Variants in CHD6 observed in about 807,000 individuals in gnomAD.
CHD6 encodes the protein ATP-dependent chromatin remodeler CHD6.
In CHD6, 50 loss-of-function variants were observed where a neutral mutation model predicts 276.9. The ratio of observed to expected loss-of-function variants is 0.18; its 90% CI spans 0.14 to 0.23. The LOEUF (loss-of-function observed/expected upper bound fraction) is 0.23. Ranked by LOEUF, CHD6 falls within the 10% of genes least tolerant of loss-of-function variation. The pLI is 1.00. For synonymous variants in CHD6, 1,173 were observed against 1,229.3 expected (o/e 0.95, Z 0.96); for missense variants, 2,564 against 3,365.8 (o/e 0.76, Z 5.89).
rs200813975 is a variant in CHD6, at chr20:41,457,314, G to A, written c.2779C>T (p.Leu927=). Residue 927 remains leucine, a synonymous_variant, in exon 18 of 37, where the codon CTG becomes TTG. Coordinates refer to ENST00000373233, the MANE Select transcript of CHD6 (RefSeq NM_032221.5). Reference sequence around the variant, plus strand: ...ATGTCCTGAAGAACAGCCTTGTCCAGCCCCAGCTTTAGGCTGGCCTTGTCA... The same window carrying A: ...ATGTCCTGAAGAACAGCCTTGTCCAACCCCAGCTTTAGGCTGGCCTTGTCA... ...MFDKASLKLG[L]DKAVLQDINR... 3.1e-6 allele frequency: 5 copies of A among 1,614,094 alleles called. No individual in the cohort carries two copies. The African/African-American group carries it at 5.3e-5, about 17-fold the overall frequency.
intron 17 of CHD6, among the ~76,000 whole-genome samples, chr20:41,463,466 A>C (rs2042848681): frequency 6.6e-6 from 1 of 152,246 alleles, no homozygotes. Context: ...ATATCACTGT[A>C]CTAAGTGATC....
chr20:41,597,679 C>A (rs979770437), intron 1 of CHD6, among the ~76,000 whole-genome samples: 1 of 152,090 alleles, frequency 6.6e-6, no homozygotes, highest in South Asian at 2.1e-4. Context: ...CCAGGACCAA[C>A]CCCCATCAGA....
At chr20:41,472,231 G>C (rs2043070489) in intron 17 of CHD6, among the ~76,000 whole-genome samples, 1 of 137,224 alleles carries the variant, frequency 7.3e-6, no homozygotes, top group African/African-American at 3.0e-5. Context: ...AATGGAGTGA[G>C]ACTCTGTCTC....
chr20:41,527,283 A>G (rs1253082216), intron 3 of CHD6, among the ~76,000 whole-genome samples: 3 of 152,168 alleles, frequency 2.0e-5, no homozygotes, highest in Admixed American at 6.5e-5. Context: ...CTAAAAATAC[A>G]AAAAATAAAC....
intron 1 of CHD6, among the ~76,000 whole-genome samples, chr20:41,594,377 A>C (rs2045696499): frequency 6.6e-6 from 1 of 152,204 alleles, no homozygotes; most frequent in South Asian, 2.1e-4. Context: ...CACCAATCTA[A>C]AATCAAAGTA....
intron 1 of CHD6, among the ~76,000 whole-genome samples, chr20:41,617,839 C>A (rs2045948780): frequency 6.6e-6 from 1 of 151,424 alleles, no homozygotes; most frequent in Admixed American, 6.6e-5. Context: ...TGCAAACAGA[C>A]GCAGGACGCG....
chr20:41,413,651 T>C, intron 34 of CHD6, 136 bp from the exon 35 acceptor site: 1 of 730,154 alleles, frequency 1.4e-6, no homozygotes, highest in South Asian at 2.0e-5. Flanking sequence ...GGTGCCTGAA[T>C]TAGAACCCTA....
At chr20:41,435,021 T>C (rs951153975) in intron 27 of CHD6, among the ~76,000 whole-genome samples, 39 of 152,184 alleles carry the variant, frequency 2.6e-4, no homozygotes, top group African/African-American at 8.7e-4. Context: ...ATATAGAATG[T>C]GTTCTCTGAT....
chr20:41,603,483 T>A (rs2045794119), intron 1 of CHD6, among the ~76,000 whole-genome samples: 1 of 152,242 alleles, frequency 6.6e-6, no homozygotes, highest in Non-Finnish European at 1.5e-5. Flanking sequence ...GGAGCTGGCC[T>A]AAGGTAAATT....
chr20:41,617,773 G>A (rs1368686320), intron 1 of CHD6, among the ~76,000 whole-genome samples: 2 of 151,884 alleles, frequency 1.3e-5, no homozygotes, highest in Non-Finnish European at 2.9e-5. Context: ...GCCGCGCAGG[G>A]GCCCCCGCCC....
At chr20:41,605,345 C>T (rs2045817098) in intron 1 of CHD6, among the ~76,000 whole-genome samples, 1 of 152,090 alleles carries the variant, frequency 6.6e-6, no homozygotes, top group Non-Finnish European at 1.5e-5. Context: ...CAACTCCCTT[C>T]CATTAGAATG....
At chr20:41,425,038 G>C (rs1211195656) in intron 29 of CHD6, 140 bp downstream of exon 29, 1 of 665,228 alleles carries the variant, frequency 1.5e-6, no homozygotes, top group African/African-American at 1.8e-5. Context: ...ACAACTGAAG[G>C]CTGAATGTAA....
intron 27 of CHD6, among the ~76,000 whole-genome samples, chr20:41,426,754 G>A (rs1265179648): frequency 6.6e-6 from 1 of 152,298 alleles, no homozygotes; most frequent in Admixed American, 6.5e-5. Flanking sequence ...GCTTGCCCAA[G>A]TCGGTGTATG....
chr20:41,514,600 A>G (rs902879918), intron 4 of CHD6, among the ~76,000 whole-genome samples: 2 of 152,150 alleles, frequency 1.3e-5, no homozygotes, highest in East Asian at 1.9e-4. Context: ...GGCAAATACC[A>G]CTAAAAAACT....
intron 35 of CHD6, among the ~76,000 whole-genome samples, chr20:41,412,502 T>G (rs1157083778): frequency 6.6e-6 from 1 of 152,220 alleles, no homozygotes; most frequent in East Asian, 1.9e-4. Flanking sequence ...CCCTCCAGAC[T>G]AGAACACCTG....
chr20:41,591,344 AG>A (rs2045656115), intron 1 of CHD6, among the ~76,000 whole-genome samples: 1 of 151,282 alleles, frequency 6.6e-6, no homozygotes, highest in South Asian at 2.1e-4. Context: ...CATGTACCCT[AG>A]AACTTAAAGT....
intron 5 of CHD6, among the ~76,000 whole-genome samples, chr20:41,505,698 T>C (rs181767975): frequency 1.3e-5 from 2 of 152,306 alleles, no homozygotes; most frequent in Admixed American, 1.3e-4. Context: ...GGCCTAGTTT[T>C]TGGATTTCTT....
chr20:41,592,963 A>G (rs1364712860), intron 1 of CHD6, among the ~76,000 whole-genome samples: 1 of 152,144 alleles, frequency 6.6e-6, no homozygotes, highest in Non-Finnish European at 1.5e-5. Context: ...TTAAGAAATA[A>G]TTTAAGAAGT....
chr20:41,406,350 A>G (rs868583316), intron 36 of CHD6, among the ~76,000 whole-genome samples: 5 of 152,234 alleles, frequency 3.3e-5, no homozygotes, highest in African/African-American at 1.2e-4. Context: ...CACGTGGACC[A>G]CACTGTGACA....
Sources: gnomAD v4.1 joint callset for allele counts (sites outside exome capture counted in the v4.1 genomes callset) on GRCh38, gnomAD v4.1.1 for gene constraint, MANE v1.5 for transcripts, NCBI Gene and HGNC (gene_info 2026-07-23, HGNC 2026-07-21) for gene names.